The following IQSEC1 variants were observed in gnomAD, a reference collection of about 807,000 sequenced individuals.
The protein encoded by IQSEC1 is IQ motif and SEC7 domain-containing protein 1.
In IQSEC1, 31 loss-of-function variants were observed where a neutral mutation model predicts 91.0. That is an observed-to-expected ratio of 0.34 (90% CI 0.26 to 0.46). IQSEC1 has a LOEUF of 0.46. Ranked by LOEUF, IQSEC1 falls within the 20% of genes least tolerant of loss-of-function variation. The probability of loss-of-function intolerance (pLI) is 1.00; values close to 1 mark genes in which losing one functional copy is unlikely to be tolerated. For missense variants in IQSEC1, 1,388 were observed against 1,575.6 expected (o/e 0.88, Z 2.02); for synonymous variants, 699 against 662.6 (o/e 1.05, Z -0.84).
chr3:12,996,167 A>G (rs963949782), intron 1 of IQSEC1, among the ~76,000 whole-genome samples: 12 of 151,990 alleles, frequency 7.9e-5, no homozygotes, highest in Admixed American at 1.3e-4. Flanking sequence ...TCTCTTAAAA[A>G]CACTTTTTTT....
chr3:13,051,623 G>A (rs918618538), intron 1 of IQSEC1, among the ~76,000 whole-genome samples: 15 of 152,114 alleles, frequency 9.9e-5, no homozygotes, highest in Non-Finnish European at 2.2e-4. Flanking sequence ...CAATTTACAC[G>A]AAGACAAAAA....
intron 1 of IQSEC1, among the ~76,000 whole-genome samples, chr3:13,006,494 A>C (rs182181411): frequency 6.6e-6 from 1 of 152,336 alleles, no homozygotes; most frequent in East Asian, 1.9e-4. Context: ...GCCAGCCAGC[A>C]TCCACTGGCA....
At chr3:13,041,189 C>T (rs755631084) in intron 1 of IQSEC1, among the ~76,000 whole-genome samples, 2 of 148,848 alleles carry the variant, frequency 1.3e-5, no homozygotes, top group Non-Finnish European at 3.0e-5. Flanking sequence ...GCCGGACATG[C>T]CCTCCTGAGG....
At chr3:12,990,321 A>G (rs1242803786) in intron 1 of IQSEC1, among the ~76,000 whole-genome samples, 4 of 152,194 alleles carry the variant, frequency 2.6e-5, no homozygotes, top group Non-Finnish European at 5.9e-5. Context: ...CTGCCTTCTA[A>G]GGCAGCCTGT....
chr3:13,282,177 G>C lies in IQSEC1; in HGVS notation c.272+534C>G, dbSNP rs1189776650. Among the ~76,000 whole-genome samples the C allele has an allele frequency of 1.3e-5, 2 of 152,226 alleles. No homozygotes were observed. Among genetic ancestry groups the C allele is most frequent in the Non-Finnish European group, 2.9e-5 (2 of 68,028 alleles). Reference sequence around the variant, plus strand: ...CCCCAGCCTTGAAGTAAGAGACAGAGGCGTCCACAGAAGAGGGCTCTGCGC... The same window carrying C: ...CCCCAGCCTTGAAGTAAGAGACAGACGCGTCCACAGAAGAGGGCTCTGCGC... On this transcript the variant is annotated intron_variant, in intron 1 of 15. Transcript: ENST00000648114. This position sits in a 1 kb window ranked among gnomAD's most constrained non-coding sequence, Gnocchi z 6.4.
At chr3:12,951,330 C>T (rs533868536) in intron 1 of IQSEC1, among the ~76,000 whole-genome samples, 24 of 151,924 alleles carry the variant, frequency 1.6e-4, no homozygotes, top group African/African-American at 4.1e-4. Context: ...GGCTAAGGCG[C>T]GAGAACTGCT....
chr3:13,130,515 G>A (rs1370129762), intron 2 of IQSEC1, among the ~76,000 whole-genome samples: 2 of 152,102 alleles, frequency 1.3e-5, no homozygotes, highest in Non-Finnish European at 2.9e-5. Flanking sequence ...CTTTCCAGGT[G>A]CACTGGAGAA....
intron 1 of IQSEC1, chr3:12,960,330 T>C (rs1331112151): frequency 6.6e-6 from 1 of 152,190 alleles, no homozygotes; most frequent in Non-Finnish European, 1.5e-5. Context: ...AGGCACTGGG[T>C]AGAGCTTCCA....
At chr3:13,056,484 C>A (rs113816859) in intron 1 of IQSEC1, among the ~76,000 whole-genome samples, 2 of 152,116 alleles carry the variant, frequency 1.3e-5, no homozygotes, top group Admixed American at 6.5e-5. Flanking sequence ...ATCCTCAAGC[C>A]GGCCTGGGAA....
chr3:13,064,183 G>A (rs1483950380), intron 1 of IQSEC1, among the ~76,000 whole-genome samples: 2 of 152,100 alleles, frequency 1.3e-5, no homozygotes, highest in African/African-American at 4.8e-5. Context: ...TGATACGCCT[G>A]CATAGAACTA....
At chr3:12,997,670 C>G (rs2125652088) in intron 1 of IQSEC1, among the ~76,000 whole-genome samples, 1 of 152,342 alleles carries the variant, frequency 6.6e-6, no homozygotes, top group East Asian at 1.9e-4. Context: ...TATGACTGTA[C>G]TGAACACTGC....
Position 13,157,793 on chromosome 3 carries a change from G to C in IQSEC1, c.302+6311C>G, listed in dbSNP as rs543317942. ...TCCACAGACTGTGGCAGAGGGAGAA[G>C]AAAGGAAATGGATGTTAACTGAATG... On this transcript the variant is annotated intron_variant, in intron 2 of 15. Coordinates refer to the IQSEC1 transcript ENST00000648114. 3.4e-4 allele frequency among the ~76,000 whole-genome samples: 52 copies of C among 152,336 alleles called. No individual in the cohort carries two copies. In the South Asian group the frequency reaches 0.01, roughly 30 times the overall value.
intron 1 of IQSEC1, among the ~76,000 whole-genome samples, chr3:13,198,794 A>G (rs1244813808): frequency 3.9e-5 from 6 of 152,220 alleles, no homozygotes; most frequent in South Asian, 2.1e-4. Flanking sequence ...GGCACGTGGG[A>G]GCTGAAGCCA....
upstream of IQSEC1, among the ~76,000 whole-genome samples, chr3:13,077,298 G>A (rs184617097): frequency 2.6e-5 from 4 of 152,278 alleles, no homozygotes; most frequent in East Asian, 1.9e-4. Context: ...AGAACATGAC[G>A]AATATGATGG....
intron 1 of IQSEC1, among the ~76,000 whole-genome samples, chr3:13,275,610 G>A (rs1026711753): frequency 6.6e-6 from 1 of 152,208 alleles, no homozygotes; most frequent in Non-Finnish European, 1.5e-5. Context: ...TCAAAGGTAC[G>A]TCCTCCAGGA....
chr3:13,052,148 C>T (rs994489285), intron 1 of IQSEC1, among the ~76,000 whole-genome samples: 1 of 152,188 alleles, frequency 6.6e-6, no homozygotes, highest in Non-Finnish European at 1.5e-5. Context: ...CATGATGATA[C>T]AGCACAGGAC....
At position 12,940,926 on chromosome 3, in the gene IQSEC1, T is replaced by C. The variant is rs1321471279; in HGVS notation, c.318+645A>G. On this transcript the variant is annotated intron_variant, in intron 2 of 13. Transcript: ENST00000613206. The surrounding 1 kb of genome is among the most constrained non-coding windows in gnomAD (Gnocchi z 4.4). ...CTCTCCTGGCTCAACCCTGAGAGGC[T>C]ACCTCTTGTCCTCCCTCAAGCCCAG... is the stretch of plus-strand genomic sequence containing the variant. Among the ~76,000 whole-genome samples the C allele has an allele frequency of 2.0e-5, 3 of 152,172 alleles. No homozygotes were observed. Among genetic ancestry groups the C allele is most frequent in the African/African-American group, 4.8e-5 (2 of 41,458 alleles).
At chr3:12,956,847 G>A (rs1699940329) in intron 1 of IQSEC1, among the ~76,000 whole-genome samples, 1 of 152,162 alleles carries the variant, frequency 6.6e-6, no homozygotes, top group Non-Finnish European at 1.5e-5. Flanking sequence ...TCCACTCTCT[G>A]GGCTTCTGTG....
chr3:13,039,410 A>G (rs1399272762), intron 1 of IQSEC1, among the ~76,000 whole-genome samples: 1 of 152,242 alleles, frequency 6.6e-6, no homozygotes, highest in African/African-American at 2.4e-5. Flanking sequence ...AGAAGTGGTT[A>G]ATTATGCATT....
Sources: gnomAD v4.1 joint callset for allele counts (sites outside exome capture counted in the v4.1 genomes callset) on GRCh38, gnomAD v4.1.1 for gene constraint, Gnocchi (gnomAD v3.1) non-coding constraint, MANE v1.5 for transcripts, NCBI Gene and HGNC (gene_info 2026-07-23, HGNC 2026-07-21) for gene names.